RIMS2: variants seen among roughly 807,000 people sequenced by gnomAD.
RIMS2 encodes regulating synaptic membrane exocytosis protein 2.
Under a neutral mutation model 174.4 loss-of-function variants are expected in RIMS2, and 59 were observed. That is an observed-to-expected ratio of 0.34 (90% confidence interval 0.27 to 0.42). RIMS2 has a LOEUF of 0.42. Among genes scored for constraint, RIMS2 ranks in the 10% least tolerant of loss-of-function variants. RIMS2 has a pLI of 1.00. For missense variants in RIMS2, 1,620 were observed against 1,666.3 expected (o/e 0.97, Z 0.48); for synonymous variants, 606 against 572.5 (o/e 1.06, Z -0.84).
intron 19 of RIMS2, among the ~76,000 whole-genome samples, chr8:104,153,963 A>G (rs1343612223): frequency 6.6e-6 from 1 of 152,198 alleles, no homozygotes; most frequent in East Asian, 1.9e-4. Context: ...CAAACCTTGC[A>G]GTGGTGGACA....
intron 13 of RIMS2, among the ~76,000 whole-genome samples, chr8:103,939,799 C>T (rs1289886389): frequency 1.3e-5 from 2 of 152,188 alleles, no homozygotes; most frequent in Non-Finnish European, 2.9e-5. Context: ...AATCATCTCC[C>T]TCAAGTTCAA....
intron 19 of RIMS2, among the ~76,000 whole-genome samples, chr8:104,242,714 T>A (rs1355396140): frequency 2.0e-5 from 3 of 152,230 alleles, no homozygotes; most frequent in Non-Finnish European, 4.4e-5. Flanking sequence ...AAGTTGAAGT[T>A]GGCTCCAAAG....
intron 23 of RIMS2, 82 bp from the exon 30 acceptor site, chr8:104,251,520 C>A: frequency 1.3e-6 from 1 of 784,974 alleles, no homozygotes; most frequent in Non-Finnish European, 2.2e-6. Flanking sequence ...ACTGAATGTA[C>A]TTTAGTATTT....
intron 1 of RIMS2, among the ~76,000 whole-genome samples, chr8:103,663,349 T>C (rs778632161): frequency 8.5e-5 from 13 of 152,062 alleles, no homozygotes; most frequent in Non-Finnish European, 1.3e-4. Flanking sequence ...TCAAATTGTC[T>C]CTGTTTGCGG....
At chr8:103,692,143 C>T (rs768531411) in intron 1 of RIMS2, among the ~76,000 whole-genome samples, 6 of 152,158 alleles carry the variant, frequency 3.9e-5, no homozygotes, top group Non-Finnish European at 8.8e-5. Context: ...TGAGACTGCG[C>T]TGGGTCAGAC....
At chr8:104,228,439 C>G (rs2099203387) in intron 19 of RIMS2, among the ~76,000 whole-genome samples, 1 of 152,104 alleles carries the variant, frequency 6.6e-6, no homozygotes, top group African/African-American at 2.4e-5. Context: ...AATAATCAGT[C>G]CCATTTGATT....
chr8:103,566,887 C>T (rs1371395949), intron 1 of RIMS2, among the ~76,000 whole-genome samples: 1 of 152,150 alleles, frequency 6.6e-6, no homozygotes, highest in Non-Finnish European at 1.5e-5. Flanking sequence ...TCAATGCTTT[C>T]TAGTATATTC....
intron 1 of RIMS2, among the ~76,000 whole-genome samples, chr8:103,648,586 T>C (rs374069914): frequency 9.0e-4 from 137 of 152,054 alleles, no homozygotes; most frequent in African/African-American, 3.2e-3. Context: ...TAAGTCGTTT[T>C]GTCTCTAAGA....
chr8:103,912,967 G>GTTT (rs1168616954), intron 6 of RIMS2, among the ~76,000 whole-genome samples: 1 of 107,158 alleles, frequency 9.3e-6, no homozygotes, highest in Non-Finnish European at 2.3e-5. Context: ...AACTTTTTTT[G>GTTT]TTGTTTTTTT....
intron 1 of RIMS2, among the ~76,000 whole-genome samples, chr8:103,613,326 C>A (rs1188731432): frequency 2.0e-5 from 3 of 152,162 alleles, no homozygotes; most frequent in Admixed American, 2.0e-4. Context: ...GGCACACTAA[C>A]CCTAGCCCAC....
chr8:103,574,746 A>G (rs926385422), intron 1 of RIMS2, among the ~76,000 whole-genome samples: 2 of 152,234 alleles, frequency 1.3e-5, no homozygotes, highest in African/African-American at 2.4e-5. Context: ...GTTAAAAGAA[A>G]GCCCTTGGGA....
chr8:103,824,163 T>A (rs1250938538), intron 3 of RIMS2, among the ~76,000 whole-genome samples: 2 of 152,236 alleles, frequency 1.3e-5, no homozygotes, highest in East Asian at 3.9e-4. Context: ...CTACAGTCTT[T>A]AAGCATTTTC....
At position 103,922,035 on chromosome 8, in the gene RIMS2, G is replaced by C. The variant is rs967375912; in HGVS notation, c.2196+251G>C. 1.2e-4 allele frequency: 28 copies of C among 239,216 alleles called. 1 individual carries two copies. In the South Asian group the frequency reaches 1.9e-3, roughly 16 times the overall value. The allele number at this position is 239,216 out of a possible 1,614,324, so 14.8% of individuals were successfully genotyped here. ...AAGGTACCTAAACTTTTTTATGTTA[G>C]TAATTATAACAAAATTCAAGTTCAT... On this transcript the variant is annotated intron_variant, in intron 10 of 23. Coordinates refer to ENST00000504942, the Ensembl canonical transcript of RIMS2.
At chr8:104,161,448 G>T (rs190553312) in intron 19 of RIMS2, among the ~76,000 whole-genome samples, 59 of 152,292 alleles carry the variant, frequency 3.9e-4, no homozygotes, top group Admixed American at 3.6e-3. Flanking sequence ...AATCATGTTG[G>T]TTGAAGGAGT....
chr8:103,800,891 G>C (rs181788566), intron 3 of RIMS2, among the ~76,000 whole-genome samples: 1 of 152,212 alleles, frequency 6.6e-6, no homozygotes, highest in East Asian at 1.9e-4. Context: ...AGTTTTTATA[G>C]AGCTGTTATT....
intron 7 of RIMS2, among the ~76,000 whole-genome samples, chr8:103,916,166 T>C (rs2076597822): frequency 6.6e-6 from 1 of 152,078 alleles, no homozygotes; most frequent in Non-Finnish European, 1.5e-5. Context: ...TTCGAATTTC[T>C]ATTAAGAAAT....
chr8:103,676,531 ATTC>A (rs561703512), intron 1 of RIMS2, among the ~76,000 whole-genome samples: 14 of 151,072 alleles, frequency 9.3e-5, no homozygotes, highest in African/African-American at 1.5e-4. Context: ...AGCAGATTCA[ATTC>A]TTCTTCTCAG....
At chr8:104,005,457 A>T (rs972391832) in intron 17 of RIMS2, among the ~76,000 whole-genome samples, 1 of 152,200 alleles carries the variant, frequency 6.6e-6, no homozygotes, top group African/African-American at 2.4e-5. Context: ...TAAGGCAAGA[A>T]TATGCAAAAA....
At chr8:103,963,163 A>C (rs2090718054) in intron 15 of RIMS2, among the ~76,000 whole-genome samples, 1 of 152,150 alleles carries the variant, frequency 6.6e-6, no homozygotes, top group Admixed American at 6.6e-5. Flanking sequence ...TCAATAGCTT[A>C]TCAAATAATT....
Sources: allele counts gnomAD v4.1 joint callset (sites outside exome capture counted in the v4.1 genomes callset), GRCh38; gene constraint gnomAD v4.1.1; transcripts MANE v1.5; gene names NCBI Gene and HGNC (gene_info 2026-07-23, HGNC 2026-07-21).